Variants in ADAMTS19 observed in about 807,000 individuals in gnomAD.
ADAMTS19 encodes ADAM metallopeptidase with thrombospondin type 1 motif 19.
In ADAMTS19, 93 loss-of-function variants were observed where a neutral mutation model predicts 153.3. The ratio of observed to expected loss-of-function variants is 0.61; its 90% CI spans 0.51 to 0.72. The LOEUF is 0.72. Ranked by LOEUF, ADAMTS19 falls within the 30% of genes least tolerant of loss-of-function variation. The pLI, the probability that ADAMTS19 is intolerant of heterozygous loss-of-function variation, is 0.00. For synonymous variants in ADAMTS19, 600 were observed against 556.6 expected (o/e 1.08, Z -1.10); for missense variants, 1,482 against 1,552.1 (o/e 0.95, Z 0.76).
intron 8 of ADAMTS19, among the ~76,000 whole-genome samples, chr5:129,598,352 G>A (rs72790688): frequency 0.086 from 13,027 of 152,098 alleles, 626 homozygotes; most frequent in Middle Eastern, 0.16. Context: ...GAGTCTGTAC[G>A]CACTTCAGTA....
chr5:129,622,329 C>T lies in ADAMTS19; in HGVS notation c.1751C>T (p.Ser584Phe). ...QCQILFGPLA[S>F]FCQEMQHVIC... is the part of the protein sequence containing the mutation. ...CAGATCCTTTTTGGGCCATTGGCTT[C>T]TTTTTGTCAGGAGATGCAGGTAAAG... Residue 584 changes from serine (S) to phenylalanine (F), a missense_variant, in exon 10 of 23, where the codon TCT becomes TTT. Ser to Phe is a radical substitution (Grantham distance 155). This residue lies in a region of ADAMTS19 where 866 missense variants were observed against 827.7 expected (regional missense o/e 1.05). Coordinates refer to ENST00000274487, the MANE Select transcript of ADAMTS19 (RefSeq NM_133638.6). 6.2e-7 allele frequency: 1 copy of T among 1,613,880 alleles called. No homozygotes were observed. The highest frequency in any genetic ancestry group is 8.5e-7 in the Non-Finnish European group (1 of 1,179,900).
intron 6 of ADAMTS19, 66 bp from the exon 7 acceptor site, chr5:129,551,798 G>A (rs1753129696): frequency 1.0e-6 from 1 of 955,506 alleles, no homozygotes; most frequent in Non-Finnish European, 1.6e-6. Flanking sequence ...TTAAAAATGA[G>A]TCACTTGATG....
chr5:129,703,992 A>G (rs2127166553), intron 20 of ADAMTS19, among the ~76,000 whole-genome samples: 1 of 152,124 alleles, frequency 6.6e-6, no homozygotes, highest in African/African-American at 2.4e-5. Flanking sequence ...CTGTTATATT[A>G]CTCTCTGTAA....
chr5:129,463,132 G>A (rs573126444), intron 2 of ADAMTS19, among the ~76,000 whole-genome samples: 3 of 152,304 alleles, frequency 2.0e-5, no homozygotes, highest in Admixed American at 2.0e-4. Context: ...ATTTCACTGG[G>A]GAAAACATTT....
chr5:129,604,714 AT>A (rs1750811490), intron 8 of ADAMTS19, among the ~76,000 whole-genome samples: 1 of 152,208 alleles, frequency 6.6e-6, no homozygotes, highest in Non-Finnish European at 1.5e-5. Context: ...TGCTGTATGC[AT>A]ATTCAAAGGG....
chr5:129,618,252 T>C (rs1286620636), intron 8 of ADAMTS19, among the ~76,000 whole-genome samples: 1 of 152,056 alleles, frequency 6.6e-6, no homozygotes, highest in African/African-American at 2.4e-5. Flanking sequence ...AACATTTATC[T>C]TCCTATTTTC....
At chr5:129,474,111 C>T (rs1261916434) in intron 2 of ADAMTS19, among the ~76,000 whole-genome samples, 3 of 152,212 alleles carry the variant, frequency 2.0e-5, no homozygotes, top group East Asian at 1.9e-4. Context: ...TACTCTGTGT[C>T]TCTATAGATT....
chr5:129,485,423 A>G (rs777752455), intron 2 of ADAMTS19, among the ~76,000 whole-genome samples: 71 of 152,298 alleles, frequency 4.7e-4, no homozygotes, highest in Admixed American at 1.0e-3. Context: ...AAATTTAAAA[A>G]GAAGAAATTA....
chr5:129,658,559 T>C, intron 14 of ADAMTS19, 58 bp from the exon 15 acceptor site: 1 of 1,565,760 alleles, frequency 6.4e-7, no homozygotes, highest in Non-Finnish European at 8.7e-7. Flanking sequence ...CCCAAATTAG[T>C]AGTAAAACAA....
At position 129,596,755 on chromosome 5, in the gene ADAMTS19, T is replaced by C; in HGVS notation, c.1478+91T>C. ...TACCTGGATATCTTCTGATTTTTAA[T>C]TTGGGCTTCAAGTTTTTGAAAAACT... On this transcript the variant is annotated intron_variant, in intron 8 of 22. Coordinates refer to ENST00000274487, the MANE Select transcript of ADAMTS19 (RefSeq NM_133638.6). 3.1e-6 allele frequency: 3 copies of C among 977,496 alleles called. No individual in the cohort carries two copies. The East Asian group carries it at 8.2e-5, about 27-fold the overall frequency. The allele number at this position is 977,496 out of a possible 1,614,324, so 60.6% of individuals were successfully genotyped here. A position where few individuals can be genotyped will look rare whatever the true frequency, so the allele number is the denominator to read the frequency against.
intron 21 of ADAMTS19, among the ~76,000 whole-genome samples, chr5:129,712,642 CACT>C (rs1306525005): frequency 6.6e-6 from 1 of 151,782 alleles, no homozygotes; most frequent in Non-Finnish European, 1.5e-5. Context: ...TATTTATTGC[CACT>C]AGATATACAA....
In ADAMTS19 at chr5:129,522,314, T is replaced by TACAC. The variant is rs1455704023; in HGVS notation, c.914-3969_914-3968insCACA. On this transcript the variant is annotated intron_variant, in intron 3 of 22. Transcript: ENST00000274487. ...GTGTGTGTGTGTATATATATATATA[T>TACAC]ATACACACACACACACACATATATA... Among the ~76,000 whole-genome samples, 261 of 94,386 alleles carry TACAC rather than the reference T, an allele frequency of 2.8e-3. 3 individuals carry two copies. Among genetic ancestry groups the TACAC allele is most frequent in the African/African-American group, 0.013 (245 of 19,238 alleles). The allele number at this position is 94,386 out of a possible 152,430, so 61.9% of individuals were successfully genotyped here. A position where few individuals can be genotyped will look rare whatever the true frequency, so the allele number is the denominator to read the frequency against.
intron 2 of ADAMTS19, among the ~76,000 whole-genome samples, chr5:129,488,612 G>T (rs917274102): frequency 6.6e-6 from 1 of 152,020 alleles, no homozygotes; most frequent in Non-Finnish European, 1.5e-5. Context: ...CAAGCCAATA[G>T]AAAATAATTC....
intron 2 of ADAMTS19, among the ~76,000 whole-genome samples, chr5:129,476,956 C>T (rs1750247664): frequency 6.6e-6 from 1 of 152,122 alleles, no homozygotes; most frequent in Non-Finnish European, 1.5e-5. Flanking sequence ...CTAGTTGCAA[C>T]TGTTGCCCTG....
chr5:129,512,435 C>A (rs1368355713), intron 3 of ADAMTS19, among the ~76,000 whole-genome samples: 1 of 152,010 alleles, frequency 6.6e-6, no homozygotes, highest in Non-Finnish European at 1.5e-5. Context: ...CATTTGGATA[C>A]AACATGGTCT....
Position 129,504,848 on chromosome 5 carries a change from T to A in ADAMTS19, c.748-4229T>A, listed in dbSNP as rs1435025647. Among the ~76,000 whole-genome samples the A allele has an allele frequency of 3.5e-5, 5 of 143,022 alleles. No homozygotes were observed. In the East Asian group the frequency reaches 1.1e-3, roughly 32 times the overall value. The allele number at this position is 143,022 out of a possible 152,430, so 93.8% of individuals were successfully genotyped here. On this transcript the variant is annotated intron_variant, in intron 2 of 22. Transcript: ENST00000274487. ...CAGGATTTTCCTTATTAAGTCTGAG[T>A]AGTATTCTGTCTACACACACACAGA... is the stretch of plus-strand genomic sequence containing the variant.
rs545835847 is a variant in ADAMTS19, at chr5:129,522,428, T to C, written c.914-3856T>C. Among the ~76,000 whole-genome samples the C allele has an allele frequency of 3.5e-4, 51 of 146,946 alleles. 1 individual carries two copies. The South Asian group carries it at 0.011, about 32-fold the overall frequency. On this transcript the variant is annotated intron_variant, in intron 3 of 22. Coordinates refer to ENST00000274487, the MANE Select transcript of ADAMTS19 (RefSeq NM_133638.6). ...AATCTGGATCCATAAAGTTTACTTT[T>C]AACTATAGTGATTCTGATTCAGATG...
intron 7 of ADAMTS19, among the ~76,000 whole-genome samples, chr5:129,584,494 C>T (rs895129395): frequency 6.6e-6 from 1 of 152,172 alleles, no homozygotes; most frequent in African/African-American, 2.4e-5. Context: ...GCTGCACCCA[C>T]AGCCGCCCCT....
intron 19 of ADAMTS19, among the ~76,000 whole-genome samples, chr5:129,699,169 C>G (rs1191800589): frequency 6.6e-6 from 1 of 152,104 alleles, no homozygotes; most frequent in African/African-American, 2.4e-5. Flanking sequence ...TGCCTGTAAT[C>G]CCAGCTCTTT....
Sources: gnomAD v4.1 joint callset for allele counts (sites outside exome capture counted in the v4.1 genomes callset) on GRCh38, gnomAD v4.1.1 for gene constraint, gnomAD v4.1.1 regional missense constraint, MANE v1.5 for transcripts, NCBI Gene and HGNC (gene_info 2026-07-23, HGNC 2026-07-21) for gene names.